CNTN3: variants seen among roughly 807,000 people sequenced by gnomAD.
CNTN3 encodes the protein contactin-3.
CNTN3 carries 60 observed loss-of-function variants against 119.1 expected under a neutral mutation model. That is an observed-to-expected ratio of 0.50 (90% CI 0.41 to 0.62). The LOEUF (loss-of-function observed/expected upper bound fraction) is 0.62. Ranked by LOEUF, CNTN3 falls within the 20% of genes least tolerant of loss-of-function variation. The pLI is 0.00. For synonymous variants in CNTN3, 450 were observed against 438.7 expected, an observed-to-expected ratio of 1.03 and a Z score of -0.32; for missense variants, 1,101 against 1,242.4, an observed-to-expected ratio of 0.89 and a Z score of 1.71.
intron 8 of CNTN3, among the ~76,000 whole-genome samples, chr3:74,368,854 T>C (rs141694358): frequency 6.6e-6 from 1 of 152,036 alleles, no homozygotes; most frequent in Non-Finnish European, 1.5e-5. Context: ...ACAAAACCTG[T>C]TTTCTAGAGG....
intron 1 of CNTN3, among the ~76,000 whole-genome samples, chr3:74,580,863 C>T (rs990312806): frequency 1.3e-5 from 2 of 152,136 alleles, no homozygotes; most frequent in East Asian, 1.9e-4. Flanking sequence ...GGACTACTGA[C>T]GTGCACCATC....
chr3:74,481,762 CAG>C (rs1702768478), intron 4 of CNTN3, among the ~76,000 whole-genome samples: 1 of 151,562 alleles, frequency 6.6e-6, no homozygotes, highest in East Asian at 1.9e-4. Flanking sequence ...ATGAATGAAA[CAG>C]AGTGTAGAAA....
chr3:74,331,414 A>G (rs1466114298), intron 13 of CNTN3, among the ~76,000 whole-genome samples: 1 of 152,172 alleles, frequency 6.6e-6, no homozygotes, highest in African/African-American at 2.4e-5. Flanking sequence ...AGTGCACCCT[A>G]CGATGTCCAC....
intron 13 of CNTN3, among the ~76,000 whole-genome samples, chr3:74,309,590 C>T (rs1470144745): frequency 2.0e-5 from 3 of 152,088 alleles, no homozygotes; most frequent in African/African-American, 7.2e-5. Context: ...ACATCCAGAA[C>T]AATTAGAAAT....
chr3:74,505,577 T>C (rs1490757226), intron 2 of CNTN3, among the ~76,000 whole-genome samples: 2 of 151,820 alleles, frequency 1.3e-5, no homozygotes, highest in Non-Finnish European at 2.9e-5. Flanking sequence ...TCTCACATCT[T>C]TGAGTTCCTG....
intron 2 of CNTN3, among the ~76,000 whole-genome samples, chr3:74,501,498 T>C (rs943406923): frequency 2.6e-5 from 4 of 152,084 alleles, no homozygotes; most frequent in Admixed American, 2.0e-4. Context: ...GTATGGATCC[T>C]TTCCCTGTAA....
chr3:74,466,762 GATC>G (rs1196688373), intron 4 of CNTN3, among the ~76,000 whole-genome samples: 1 of 151,916 alleles, frequency 6.6e-6, no homozygotes, highest in Non-Finnish European at 1.5e-5. Context: ...TTTTCAACTT[GATC>G]ATCAAGAGGC....
intron 1 of CNTN3, among the ~76,000 whole-genome samples, chr3:74,578,590 G>A (rs904704131): frequency 6.6e-6 from 1 of 151,972 alleles, no homozygotes; most frequent in African/African-American, 2.4e-5. Context: ...AACTTATAGT[G>A]GGCTAAAGAG....
At chr3:74,292,149 G>A (rs1227115937) in intron 19 of CNTN3, among the ~76,000 whole-genome samples, 1 of 152,168 alleles carries the variant, frequency 6.6e-6, no homozygotes, top group African/African-American at 2.4e-5. Context: ...ATAATCCCTT[G>A]AGTTAAGGGA....
chr3:74,299,541 T>C (rs1702411608), intron 17 of CNTN3, among the ~76,000 whole-genome samples: 1 of 152,214 alleles, frequency 6.6e-6, no homozygotes, highest in African/African-American at 2.4e-5. Context: ...GAGCAAATTA[T>C]TTCTTATATC....
At chr3:74,567,136 G>A (rs1036480710) in intron 1 of CNTN3, among the ~76,000 whole-genome samples, 1 of 151,716 alleles carries the variant, frequency 6.6e-6, no homozygotes, top group Non-Finnish European at 1.5e-5. Context: ...GCACAATGTG[G>A]CTTCTTCTTT....
intron 20 of CNTN3, among the ~76,000 whole-genome samples, chr3:74,267,843 G>A (rs189623971): frequency 6.6e-6 from 1 of 152,136 alleles, no homozygotes; most frequent in Admixed American, 6.6e-5. Flanking sequence ...TTATTTTGAC[G>A]CATACAGAGG....
Position 74,267,251 on chromosome 3 carries a change from A to T in CNTN3, c.2817+15T>A, listed in dbSNP as rs1701678688. 3.2e-6 allele frequency: 5 copies of T among 1,562,740 alleles called. No individual in the cohort carries two copies. The highest frequency in any genetic ancestry group is 3.5e-6 in the Non-Finnish European group (4 of 1,134,674). The stretch of plus-strand genomic sequence containing the variant: ...AAAATTACGAAAATGAAGCATTGCA[A>T]ATGAGAAAACTTACTTTATATCCTG... On this transcript the variant is annotated intron_variant, in intron 21 of 22. Coordinates refer to ENST00000263665, the MANE Select transcript of CNTN3 (RefSeq NM_020872.3).
intron 13 of CNTN3, among the ~76,000 whole-genome samples, chr3:74,322,927 C>T (rs1703031993): frequency 6.6e-6 from 1 of 152,130 alleles, no homozygotes; most frequent in Admixed American, 6.6e-5. Flanking sequence ...AACAATATGA[C>T]ATTCTGGAAA....
intron 20 of CNTN3, among the ~76,000 whole-genome samples, chr3:74,268,376 A>T (rs1025144296): frequency 7.2e-5 from 11 of 152,186 alleles, no homozygotes; most frequent in African/African-American, 2.4e-4. Flanking sequence ...ACAGAATGTG[A>T]TTTGGCTAAC....
chr3:74,298,543 T>G (rs2106810678), intron 17 of CNTN3, among the ~76,000 whole-genome samples: 1 of 151,794 alleles, frequency 6.6e-6, no homozygotes, highest in Admixed American at 6.6e-5. Context: ...TAATTCTTAA[T>G]GTTGACTTTA....
chr3:74,264,564 A>G, intron 22 of CNTN3, 63 bp from the exon 23 acceptor site: 2 of 1,102,976 alleles, frequency 1.8e-6, no homozygotes, highest in Non-Finnish European at 2.7e-6. Flanking sequence ...AGGGTGCTAG[A>G]GACTGGATAT....
intron 4 of CNTN3, among the ~76,000 whole-genome samples, chr3:74,435,558 A>G (rs1233057221): frequency 1.6e-4 from 24 of 152,122 alleles, no homozygotes; most frequent in Non-Finnish European, 4.4e-5. Context: ...TACACCTTAG[A>G]TTACACTCTT....
At chr3:74,403,926 G>T in intron 5 of CNTN3, among the ~76,000 whole-genome samples, 1 of 151,068 alleles carries the variant, frequency 6.6e-6, no homozygotes. Context: ...CCCTTATCTT[G>T]TAAAACAATT....
Sources: gnomAD v4.1 joint callset for allele counts (sites outside exome capture counted in the v4.1 genomes callset) on GRCh38, gnomAD v4.1.1 for gene constraint, MANE v1.5 for transcripts, NCBI Gene and HGNC (gene_info 2026-07-23, HGNC 2026-07-21) for gene names.